Variants in PRKG1 observed in about 807,000 individuals in gnomAD.
PRKG1 encodes the protein protein kinase cGMP-dependent 1.
In PRKG1, 35 loss-of-function variants were observed where a neutral mutation model predicts 88.1. That is an observed-to-expected ratio of 0.40 (90% CI 0.30 to 0.53). The LOEUF is 0.53. Ranked by LOEUF, PRKG1 falls within the 20% of genes least tolerant of loss-of-function variation. The probability of loss-of-function intolerance (pLI) is 0.59; values close to 1 mark genes in which losing one functional copy is unlikely to be tolerated. For missense variants in PRKG1, 540 were observed against 839.8 expected (o/e 0.64, Z 4.41); for synonymous variants, 303 against 292.5 (o/e 1.04, Z -0.37).
At chr10:51,021,621 C>A (rs1284678318) in intron 1 of PRKG1, among the ~76,000 whole-genome samples, 1 of 152,090 alleles carries the variant, frequency 6.6e-6, no homozygotes, top group African/African-American at 2.4e-5. Flanking sequence ...TTTTTTTCCT[C>A]CTAATCTAAT....
At chr10:51,439,010 T>A (rs116605413) in intron 2 of PRKG1, among the ~76,000 whole-genome samples, 44,261 of 136,500 alleles carry the variant, frequency 0.32, 6,968 homozygotes, top group African/African-American at 0.42. Context: ...GATTTTTTTT[T>A]TTAAAAAAAA....
intron 3 of PRKG1, among the ~76,000 whole-genome samples, chr10:51,770,736 C>T (rs1369558723): frequency 6.6e-6 from 1 of 152,122 alleles, no homozygotes; most frequent in Non-Finnish European, 1.5e-5. Flanking sequence ...GGAACAATTT[C>T]ATCATGAAAC....
chr10:52,077,030 C>T (rs1846646520), intron 7 of PRKG1, among the ~76,000 whole-genome samples: 1 of 151,614 alleles, frequency 6.6e-6, no homozygotes, highest in African/African-American at 2.4e-5. Context: ...ATATTACCTA[C>T]CATCTGACCC....
At chr10:51,988,278 T>A (rs1844214273) in intron 5 of PRKG1, among the ~76,000 whole-genome samples, 1 of 152,110 alleles carries the variant, frequency 6.6e-6, no homozygotes, top group Non-Finnish European at 1.5e-5. Flanking sequence ...TTGAGATTTA[T>A]CCATGTGGAT....
chr10:51,862,264 G>A (rs1252154191), intron 4 of PRKG1, among the ~76,000 whole-genome samples: 2 of 152,104 alleles, frequency 1.3e-5, no homozygotes, highest in African/African-American at 4.8e-5. Flanking sequence ...TTTAGTCCTG[G>A]TGCCCACAGC....
At chr10:52,189,996 T>G (rs891038467) in intron 9 of PRKG1, among the ~76,000 whole-genome samples, 21 of 152,180 alleles carry the variant, frequency 1.4e-4, no homozygotes, top group Non-Finnish European at 5.9e-5. Context: ...TCAATGCAGG[T>G]TTATCTGTGT....
intron 2 of PRKG1, 76 bp from the exon 3 acceptor site, chr10:51,467,647 C>T: frequency 8.4e-7 from 1 of 1,191,214 alleles, no homozygotes; most frequent in Non-Finnish European, 1.2e-6. Flanking sequence ...CCTAACACTC[C>T]TCTTCACATT....
At chr10:51,098,308 G>A (rs528685596) in intron 1 of PRKG1, among the ~76,000 whole-genome samples, 5 of 152,300 alleles carry the variant, frequency 3.3e-5, no homozygotes, top group Middle Eastern at 6.8e-3. Context: ...TGCTATCAAA[G>A]CATAGTTGTG....
At chr10:51,395,638 C>G (rs972509035) in intron 2 of PRKG1, among the ~76,000 whole-genome samples, 3 of 152,042 alleles carry the variant, frequency 2.0e-5, no homozygotes, top group African/African-American at 7.2e-5. Context: ...ATCAAATAAG[C>G]AGAAAAAGTG....
rs151128788 is a variant in PRKG1 at position 51,758,182 on chromosome 10, C to T, written c.593-46403C>T. Among the ~76,000 whole-genome samples the T allele has an allele frequency of 1.5e-3, 221 of 152,096 alleles. 1 individual carries two copies. The highest frequency in any genetic ancestry group is 4.7e-3 in the African/African-American group (196 of 41,498). On this transcript the variant is annotated intron_variant, in intron 3 of 17. Transcript: ENST00000373980. Reference sequence around the variant, plus strand: ...TATGTGATATTATTGTTTAATTGTCCGTGTACGTACAGTCTATTACTGCAG... The same window carrying T: ...TATGTGATATTATTGTTTAATTGTCTGTGTACGTACAGTCTATTACTGCAG...
intron 1 of PRKG1, among the ~76,000 whole-genome samples, chr10:51,032,907 A>C (rs1466150944): frequency 6.6e-6 from 1 of 152,148 alleles, no homozygotes; most frequent in Non-Finnish European, 1.5e-5. Flanking sequence ...TTGGGGGTAC[A>C]TGAGATGTTT....
At chr10:52,092,555 A>G (rs1416049206) in intron 7 of PRKG1, among the ~76,000 whole-genome samples, 2 of 152,188 alleles carry the variant, frequency 1.3e-5, no homozygotes, top group Admixed American at 6.5e-5. Flanking sequence ...CCTTCAGCAT[A>G]GAGTCCTGTG....
intron 1 of PRKG1, among the ~76,000 whole-genome samples, chr10:51,057,253 T>C (rs1843637005): frequency 6.6e-6 from 1 of 152,236 alleles, no homozygotes; most frequent in African/African-American, 2.4e-5. Flanking sequence ...AATTAACTTT[T>C]TATTTTCTAA....
chr10:52,057,979 AAAAT>A (rs1226074560), intron 6 of PRKG1, among the ~76,000 whole-genome samples: 12 of 152,044 alleles, frequency 7.9e-5, no homozygotes, highest in Non-Finnish European at 1.2e-4. Flanking sequence ...TAAGTTAAGA[AAAAT>A]AAATAATATT....
chr10:51,869,258 T>C (rs189988232), intron 4 of PRKG1, among the ~76,000 whole-genome samples: 19 of 152,306 alleles, frequency 1.2e-4, no homozygotes, highest in African/African-American at 4.3e-4. Flanking sequence ...AATCCCATCA[T>C]TGCCTTAAAT....
chr10:51,189,151 G>GA lies in PRKG1; in HGVS notation c.478+35828dup. On this transcript the variant is annotated intron_variant, in intron 2 of 17. Transcript: ENST00000373980. ...CTTTGAGGAGCATGCCGAGATCCAG[G>GA]AAAAAAACTCTCTTTAGGAAAAGAG... 2.0e-5 allele frequency among the ~76,000 whole-genome samples: 3 copies of GA among 151,730 alleles called. No individual in the cohort carries two copies. In the Middle Eastern group the frequency reaches 0.01, roughly 516 times the overall value.
chr10:51,048,461 T>C lies in PRKG1; in HGVS notation c.266+56817T>C, dbSNP rs562234635. On this transcript the variant is annotated intron_variant, in intron 1 of 17. Coordinates refer to the PRKG1 transcript ENST00000401604. ...AATCCCACTAGCACTGTTTTCCATG[T>C]TGTGGGCTAGTTTCTCTGATTAATT... 1.1e-4 allele frequency among the ~76,000 whole-genome samples: 17 copies of C among 152,328 alleles called. No individual in the cohort carries two copies. In the South Asian group the frequency reaches 3.3e-3, roughly 30 times the overall value.
chr10:51,405,246 T>C (rs1217323486), intron 2 of PRKG1, among the ~76,000 whole-genome samples: 1 of 152,180 alleles, frequency 6.6e-6, no homozygotes, highest in Non-Finnish European at 1.5e-5. Flanking sequence ...AAACCAATCA[T>C]AAAATAAAGT....
intron 9 of PRKG1, among the ~76,000 whole-genome samples, chr10:52,239,521 TAAAAAAAAAAA>T: frequency 5.3e-5 from 3 of 56,738 alleles, no homozygotes; most frequent in African/African-American, 2.4e-4. Flanking sequence ...TTCTACAGTG[TAAAAAAAAAAA>T]AAAAAAAAAA....
Sources: gnomAD v4.1 joint callset for allele counts (sites outside exome capture counted in the v4.1 genomes callset) on GRCh38, gnomAD v4.1.1 for gene constraint, MANE v1.5 for transcripts, NCBI Gene and HGNC (gene_info 2026-07-23, HGNC 2026-07-21) for gene names.